Variants in QSOX2 observed in about 807,000 individuals in gnomAD.
QSOX2 encodes sulfhydryl oxidase 2.
A neutral mutation model predicts 61.7 loss-of-function variants in QSOX2; 46 were observed. That is an observed-to-expected ratio of 0.75 (90% CI 0.59 to 0.95). The LOEUF (loss-of-function observed/expected upper bound fraction) is 0.95. Among genes scored for constraint, QSOX2 ranks in the 40% least tolerant of loss-of-function variants. QSOX2 has a pLI of 0.00. For synonymous variants in QSOX2, 383 were observed against 388.4 expected, an observed-to-expected ratio of 0.99 and a Z score of 0.16; for missense variants, 879 against 918.9, an observed-to-expected ratio of 0.96 and a Z score of 0.56.
chr9:136,206,446 A>C lies in QSOX2; in HGVS notation c.*2282T>G, dbSNP rs1227986060. The C allele has an allele frequency of 6.6e-6, 1 of 152,622 alleles. No individual in the cohort carries two copies. The highest frequency in any genetic ancestry group is 1.5e-5 in the Non-Finnish European group (1 of 68,044). The allele number at this position is 152,622 out of a possible 1,614,324, so 9.5% of individuals were successfully genotyped here. A position where few individuals can be genotyped will look rare whatever the true frequency, so the allele number is the denominator to read the frequency against. On this transcript the variant is annotated 3_prime_UTR_variant, in exon 12 of 12. Coordinates refer to ENST00000358701, the MANE Select transcript of QSOX2 (RefSeq NM_181701.4). Reference sequence around the variant, plus strand: ...TTTCACTGACATTTCCATGTCAATTAGCTTCTTTTTAATAAAAATCCTTCC... The same window carrying C: ...TTTCACTGACATTTCCATGTCAATTCGCTTCTTTTTAATAAAAATCCTTCC...
intron 1 of QSOX2, among the ~76,000 whole-genome samples, chr9:136,244,742 A>G (rs996074094): frequency 1.3e-5 from 2 of 152,338 alleles, no homozygotes; most frequent in East Asian, 3.9e-4. Context: ...TGAAAGCACT[A>G]AACAATAAAG....
At position 136,207,850 on chromosome 9, in the gene QSOX2, T is replaced by A. The variant is rs1831787681; in HGVS notation, c.*878A>T. ...GGCCTGTGCTCTAAGCACTGCCCGC[T>A]GAGCCCAGAGCTGCCCTCCAGGCAC... is the stretch of plus-strand genomic sequence containing the variant. On this transcript the variant is annotated 3_prime_UTR_variant, in exon 12 of 12. Coordinates refer to ENST00000358701, the MANE Select transcript of QSOX2 (RefSeq NM_181701.4). 6.6e-6 allele frequency: 1 copy of A among 152,254 alleles called. No individual in the cohort carries two copies. Among genetic ancestry groups the A allele is most frequent in the African/African-American group, 2.4e-5 (1 of 41,448 alleles). 9.4% of individuals were successfully genotyped at this position (152,254 alleles called of 1,614,324 possible).
chr9:136,213,889 G>A (rs1831878400), intron 10 of QSOX2, among the ~76,000 whole-genome samples: 1 of 152,216 alleles, frequency 6.6e-6, no homozygotes, highest in Non-Finnish European at 1.5e-5. Context: ...ACACACACGA[G>A]TGAGCCCAAG....
At position 136,220,701 on chromosome 9, in the gene QSOX2, C is replaced by A. The variant is rs146234491; in HGVS notation, c.821+1095G>T. ...CAGGACGTTACTTAACTTTCTCAAC[C>A]ATTTTTCATTTTCTTTCTTTTTTTT... On this transcript the variant is annotated intron_variant, in intron 6 of 11. Transcript: ENST00000358701. 5.8e-4 allele frequency among the ~76,000 whole-genome samples: 88 copies of A among 152,256 alleles called. 1 individual carries two copies. In the East Asian group the frequency reaches 0.014, roughly 24 times the overall value.
intron 1 of QSOX2, among the ~76,000 whole-genome samples, chr9:136,235,025 C>G (rs186586434): frequency 6.6e-6 from 1 of 152,202 alleles, no homozygotes; most frequent in Non-Finnish European, 1.5e-5. Flanking sequence ...CTGGTTCCCC[C>G]GCCCATGGCC....
Position 136,218,801 on chromosome 9 carries a change from G to A in QSOX2, c.964C>T (p.Leu322=). Residue 322 remains leucine (L), a synonymous_variant, in exon 8 of 12, where the codon CTG becomes TTG. Coordinates refer to ENST00000358701, the MANE Select transcript of QSOX2 (RefSeq NM_181701.4). ...VVWREFDKSK[L]YTVDLESGLH... ...CCTGACTCCAGGTCCACCGTGTACA[G>A]CTTCGACCTAGGACGGGATATGGCA... 4 of 1,613,352 alleles carry A rather than the reference G, an allele frequency of 2.5e-6. No individual in the cohort carries two copies. Among genetic ancestry groups the A allele is most frequent in the Non-Finnish European group, 3.4e-6 (4 of 1,179,910 alleles).
chr9:136,214,310 C>T (rs567426500), intron 10 of QSOX2, among the ~76,000 whole-genome samples: 4 of 152,354 alleles, frequency 2.6e-5, no homozygotes, highest in Admixed American at 1.3e-4. Flanking sequence ...GCCTCTGCGA[C>T]GGTCCCCACA....
intron 11 of QSOX2, chr9:136,210,147 A>G: frequency 1.0e-6 from 1 of 985,484 alleles, no homozygotes. Context: ...GGGGACAAGC[A>G]CAGACCAGTG....
chr9:136,211,002 AAG>A (rs1222927474), intron 11 of QSOX2: 1 of 685,910 alleles, frequency 1.5e-6, no homozygotes, highest in Non-Finnish European at 1.8e-6. Flanking sequence ...TGGGGGAAGA[AAG>A]AGCCACACCC....
chr9:136,223,325 G>A lies in QSOX2; in HGVS notation c.675+438C>T, dbSNP rs1030467472. Among the ~76,000 whole-genome samples the A allele has an allele frequency of 6.6e-6, 1 of 152,326 alleles. No homozygotes were observed. Among genetic ancestry groups the A allele is most frequent in the South Asian group, 2.1e-4 (1 of 4,828 alleles). On this transcript the variant is annotated intron_variant, in intron 5 of 11. Transcript: ENST00000358701. This position sits in a 1 kb window ranked among gnomAD's most constrained non-coding sequence, Gnocchi z 4.4. ...CAGAAGCAAGGCTTCAGAACTGTAC[G>A]TGTGAAATCAAAGTATGACGATAGA... is the stretch of plus-strand genomic sequence containing the variant.
At chr9:136,224,809 C>G in intron 3 of QSOX2, 52 bp downstream of exon 3, 1 of 1,310,478 alleles carries the variant, frequency 7.6e-7, no homozygotes, top group Non-Finnish European at 1.1e-6. Flanking sequence ...GTGTCTTTAG[C>G]AGGTTTATGA....
intron 10 of QSOX2, among the ~76,000 whole-genome samples, chr9:136,214,698 A>T (rs186812913): frequency 1.5e-3 from 229 of 152,314 alleles, no homozygotes; most frequent in African/African-American, 5.2e-3. Context: ...GAGGACCCAG[A>T]TGAGGCCATG....
Position 136,218,972 on chromosome 9 carries a change from G to A in QSOX2, c.956+58C>T, listed in dbSNP as rs562718746. On this transcript the variant is annotated intron_variant, in intron 7 of 11. Transcript: ENST00000358701. Reference sequence around the variant, plus strand: ...CTGAGTAAACCCGCCCTGCAAGCACGCAGCCTTCGGTCTACACGCACTGTC... The same window carrying A: ...CTGAGTAAACCCGCCCTGCAAGCACACAGCCTTCGGTCTACACGCACTGTC... The A allele has an allele frequency of 3.6e-3, 5,694 of 1,594,488 alleles. 16 individuals are homozygous for A. Among genetic ancestry groups the A allele is most frequent in the Non-Finnish European group, 4.4e-3 (5,172 of 1,167,050 alleles).
At chr9:136,215,126 C>G (rs1588633217) in intron 10 of QSOX2, 28 bp downstream of exon 10, 2 of 1,601,524 alleles carry the variant, frequency 1.2e-6, no homozygotes, top group Non-Finnish European at 1.7e-6. Context: ...GACCATCGGC[C>G]CCTCTGGCCT....
Position 136,209,737 on chromosome 9 carries a change from G to T in QSOX2, c.1550-462C>A, listed in dbSNP as rs62578989. 343,163 of 984,656 alleles carry T rather than the reference G, an allele frequency of 0.35. 60,500 individuals carry two copies. The highest frequency in any genetic ancestry group is 0.49 in the African/African-American group (27,798 of 57,138). The allele number at this position is 984,656 out of a possible 1,614,324, so 61.0% of individuals were successfully genotyped here. A position where few individuals can be genotyped will look rare whatever the true frequency, so the allele number is the denominator to read the frequency against. ...CCTACAGAGCCCCGGCCACCTGGGT[G>T]CTATGGACAGTGGGCCTTAGGTGCA... is the stretch of plus-strand genomic sequence containing the variant. On this transcript the variant is annotated intron_variant, in intron 11 of 11. Transcript: ENST00000358701. This position sits in a 1 kb window ranked among gnomAD's most constrained non-coding sequence, Gnocchi z 5.6.
intron 1 of QSOX2, among the ~76,000 whole-genome samples, chr9:136,234,520 T>C (rs943392881): frequency 2.0e-5 from 3 of 152,178 alleles, no homozygotes; most frequent in Admixed American, 2.0e-4. Context: ...AGAGCAACGG[T>C]GGCAAATTCT....
At chr9:136,229,258 TG>T (rs1830309034) in intron 1 of QSOX2, among the ~76,000 whole-genome samples, 2 of 152,156 alleles carry the variant, frequency 1.3e-5, no homozygotes, top group Admixed American at 6.5e-5. Flanking sequence ...TCAGACCACA[TG>T]GAACTGAGGA....
intron 1 of QSOX2, among the ~76,000 whole-genome samples, chr9:136,242,423 ACT>A (rs767781230): frequency 1.3e-5 from 2 of 152,156 alleles, no homozygotes; most frequent in Admixed American, 6.5e-5. Context: ...GCGGCTGGAC[ACT>A]CTAGGTAGAA....
chr9:136,236,647 G>A (rs547563407), intron 1 of QSOX2, among the ~76,000 whole-genome samples: 47 of 152,336 alleles, frequency 3.1e-4, no homozygotes, highest in African/African-American at 9.6e-4. Flanking sequence ...AATTCCCAGC[G>A]TCAGGAGTGC....
Sources: allele counts gnomAD v4.1 joint callset (sites outside exome capture counted in the v4.1 genomes callset), GRCh38; gene constraint gnomAD v4.1.1; non-coding constraint Gnocchi (gnomAD v3.1); transcripts MANE v1.5; gene names NCBI Gene and HGNC (gene_info 2026-07-23, HGNC 2026-07-21).